NEGR1: variants seen among roughly 807,000 people sequenced by gnomAD.
NEGR1 encodes neuronal growth regulator 1.
A neutral mutation model predicts 40.9 loss-of-function variants in NEGR1; 10 were observed. That is an observed-to-expected ratio of 0.24 (90% CI 0.15 to 0.42). The LOEUF is 0.42. Among genes scored for constraint, NEGR1 ranks in the 10% least tolerant of loss-of-function variants. The pLI is 1.00. For missense variants in NEGR1, 352 were observed against 438.9 expected, an observed-to-expected ratio of 0.80 and a Z score of 1.77; for synonymous variants, 185 against 166.8, an observed-to-expected ratio of 1.11 and a Z score of -0.84.
At chr1:72,028,638 C>A (rs17520379) in intron 1 of NEGR1, among the ~76,000 whole-genome samples, 14,506 of 152,242 alleles carry the variant, frequency 0.095, 782 homozygotes, top group Middle Eastern at 0.18. Context: ...ACACTGATAC[C>A]TTTACCTAGT....
chr1:71,793,360 C>T (rs979932630), intron 2 of NEGR1, among the ~76,000 whole-genome samples: 4 of 99,818 alleles, frequency 4.0e-5, no homozygotes, highest in Non-Finnish European at 8.6e-5. Flanking sequence ...CTGCCCGCCT[C>T]GGCCTCCCAA....
intron 6 of NEGR1, among the ~76,000 whole-genome samples, chr1:71,572,883 A>G (rs533591738): frequency 6.6e-6 from 1 of 152,298 alleles, no homozygotes; most frequent in Admixed American, 6.5e-5. Context: ...ATAAAGGGTG[A>G]CCATTTAGAT....
Position 72,047,181 on chromosome 1 carries a change from A to G in NEGR1, c.177-111870T>C, listed in dbSNP as rs114069007. On this transcript the variant is annotated intron_variant, in intron 1 of 6. Transcript: ENST00000357731. ...GCAATCTGTTCTTAGCCTTTTAAAT[A>G]TCTGCTCATCCATTTCAGTAAGCAT... Among the ~76,000 whole-genome samples the G allele has an allele frequency of 3.1e-3, 475 of 151,080 alleles. 3 individuals carry two copies. The highest frequency in any genetic ancestry group is 0.011 in the African/African-American group (457 of 41,354).
At chr1:71,977,003 C>T (rs1352105330) in intron 1 of NEGR1, among the ~76,000 whole-genome samples, 1 of 152,020 alleles carries the variant, frequency 6.6e-6, no homozygotes, top group Admixed American at 6.6e-5. Context: ...TTACAGAATT[C>T]TAGGTAATAT....
chr1:71,527,540 T>A (rs377250158), intron 6 of NEGR1, among the ~76,000 whole-genome samples: 12 of 151,546 alleles, frequency 7.9e-5, no homozygotes, highest in African/African-American at 2.9e-4. Context: ...ACCTTCTTGC[T>A]ATTGTGTGAT....
intron 2 of NEGR1, among the ~76,000 whole-genome samples, chr1:71,864,375 TAG>T (rs1163326997): frequency 6.6e-6 from 1 of 152,158 alleles, no homozygotes; most frequent in Admixed American, 6.5e-5. Flanking sequence ...TAGCAGTGGC[TAG>T]AGTTTAAACT....
intron 1 of NEGR1, among the ~76,000 whole-genome samples, chr1:71,985,835 T>C (rs1327646462): frequency 1.3e-5 from 2 of 152,200 alleles, no homozygotes; most frequent in Non-Finnish European, 2.9e-5. Context: ...GTTTATTCAT[T>C]CTCTAATTGG....
chr1:71,588,244 C>T (rs1017560543), intron 6 of NEGR1, among the ~76,000 whole-genome samples: 17 of 152,028 alleles, frequency 1.1e-4, no homozygotes, highest in African/African-American at 3.1e-4. Context: ...AAGCAAAAAA[C>T]GCACTGAAAA....
chr1:71,774,901 A>T (rs1656449950), intron 3 of NEGR1, among the ~76,000 whole-genome samples: 1 of 152,168 alleles, frequency 6.6e-6, no homozygotes, highest in Non-Finnish European at 1.5e-5. Flanking sequence ...TTGACTTATA[A>T]TCTCTTTGGG....
chr1:72,141,888 T>A (rs1650691686), intron 1 of NEGR1, among the ~76,000 whole-genome samples: 2 of 151,860 alleles, frequency 1.3e-5, no homozygotes, highest in African/African-American at 4.8e-5. Flanking sequence ...AGTCAAACAA[T>A]GACAGTTAAT....
At chr1:72,188,813 T>C (rs1430151232) in intron 1 of NEGR1, among the ~76,000 whole-genome samples, 1 of 151,562 alleles carries the variant, frequency 6.6e-6, no homozygotes, top group Non-Finnish European at 1.5e-5. Flanking sequence ...TGATCTTATT[T>C]AAACAATAGT....
chr1:71,590,125 G>T (rs1292795215), intron 6 of NEGR1, among the ~76,000 whole-genome samples: 1 of 151,888 alleles, frequency 6.6e-6, no homozygotes, highest in African/African-American at 2.4e-5. Context: ...TACCTCAAGG[G>T]GCATCTCCTT....
chr1:72,009,729 A>G (rs1293529794), intron 1 of NEGR1, among the ~76,000 whole-genome samples: 1 of 152,136 alleles, frequency 6.6e-6, no homozygotes, highest in East Asian at 1.9e-4. Flanking sequence ...TGGGTATTAT[A>G]CACTGATCTA....
At chr1:71,520,310 A>G (rs923034250) in intron 6 of NEGR1, among the ~76,000 whole-genome samples, 1 of 152,076 alleles carries the variant, frequency 6.6e-6, no homozygotes, top group African/African-American at 2.4e-5. Context: ...TTCCACTGCA[A>G]TGCTGACATG....
intron 1 of NEGR1, among the ~76,000 whole-genome samples, chr1:72,239,134 A>G (rs1654654283): frequency 6.6e-6 from 1 of 151,868 alleles, no homozygotes; most frequent in African/African-American, 2.4e-5. Context: ...AAAAAAATAA[A>G]AACAATAAAT....
At chr1:71,453,352 T>A (rs1646646469) in intron 6 of NEGR1, among the ~76,000 whole-genome samples, 1 of 152,084 alleles carries the variant, frequency 6.6e-6, no homozygotes, top group Non-Finnish European at 1.5e-5. Flanking sequence ...GTCCCTGGCT[T>A]GCAGGGACAG....
At chr1:72,065,205 T>G (rs1230254954) in intron 1 of NEGR1, among the ~76,000 whole-genome samples, 2 of 152,128 alleles carry the variant, frequency 1.3e-5, no homozygotes, top group Admixed American at 1.3e-4. Flanking sequence ...TATGTATATT[T>G]TGCACACTGT....
In NEGR1 at chr1:71,703,962, A is replaced by C. The variant is rs1209790815; in HGVS notation, c.536-5823T>G. On this transcript the variant is annotated intron_variant, in intron 3 of 6. Coordinates refer to ENST00000357731, the MANE Select transcript of NEGR1 (RefSeq NM_173808.3). ...ATAAGAGGTTAATCATGTCAAAGAA[A>C]AGTAGACAAAGAAATAAAAATCATA... Among the ~76,000 whole-genome samples, 6 of 152,012 alleles carry C rather than the reference A, an allele frequency of 3.9e-5. No homozygotes were observed. In the East Asian group the frequency reaches 9.6e-4, roughly 24 times the overall value.
intron 5 of NEGR1, among the ~76,000 whole-genome samples, chr1:71,602,408 C>T (rs1457557662): frequency 2.4e-5 from 3 of 127,558 alleles, no homozygotes; most frequent in Non-Finnish European, 3.3e-5. Flanking sequence ...CCCGCCACTA[C>T]GCCCGGCTAA....
Sources: allele counts gnomAD v4.1 joint callset (sites outside exome capture counted in the v4.1 genomes callset), GRCh38; gene constraint gnomAD v4.1.1; transcripts MANE v1.5; gene names NCBI Gene and HGNC (gene_info 2026-07-23, HGNC 2026-07-21).